EPHA5: variants seen among roughly 807,000 people sequenced by gnomAD.
The protein encoded by EPHA5 is EPH receptor A5, also known as ephrin type-A receptor 5.
EPHA5 carries 60 observed loss-of-function variants against 105.0 expected under a neutral mutation model. The observed-to-expected ratio is 0.57, with a 90% CI of 0.46 to 0.71. The LOEUF (loss-of-function observed/expected upper bound fraction) is 0.71. EPHA5 is among the 30% of genes least tolerant of loss of function. EPHA5 has a pLI of 0.00. For missense variants in EPHA5, 1,218 were observed against 1,274.7 expected (o/e 0.96, Z 0.68); for synonymous variants, 513 against 449.1 (o/e 1.14, Z -1.80).
In EPHA5 at chr4:65,342,797, A is replaced by G. The variant is rs185785359; in HGVS notation, c.2595+5257T>C. Among the ~76,000 whole-genome samples, 17 of 152,094 alleles carry G rather than the reference A, an allele frequency of 1.1e-4. No homozygotes were observed. In the East Asian group the frequency reaches 3.1e-3, roughly 28 times the overall value. On this transcript the variant is annotated intron_variant, in intron 14 of 16. Coordinates refer to ENST00000613740, the MANE Select transcript of EPHA5 (RefSeq NM_001281766.3). The stretch of plus-strand genomic sequence containing the variant: ...GTATGTATATATGTATATCTGGCAC[A>G]TCAGAAATGAAACAAGGAATAGAAG...
chr4:65,654,558 T>C (rs1748894510), intron 1 of EPHA5, among the ~76,000 whole-genome samples: 1 of 151,424 alleles, frequency 6.6e-6, no homozygotes, highest in Admixed American at 6.6e-5. Flanking sequence ...GAAACTCCTT[T>C]GAATTTATAT....
rs28703188 is a variant in EPHA5, at chr4:65,666,485, A to C, written c.181+3077T>G. Among the ~76,000 whole-genome samples, 254 of 152,284 alleles carry C rather than the reference A, an allele frequency of 1.7e-3. 1 individual carries two copies. The highest frequency in any genetic ancestry group is 5.7e-3 in the African/African-American group (236 of 41,566). On this transcript the variant is annotated intron_variant, in intron 1 of 16. Coordinates refer to ENST00000613740, the MANE Select transcript of EPHA5 (RefSeq NM_001281766.3). ...GAATAAGTTCAGGGCCACCTCCAAAATTCATAGCAGTGGACATGAACCCTT... is the reference window on the plus strand; with the variant it reads ...GAATAAGTTCAGGGCCACCTCCAAACTTCATAGCAGTGGACATGAACCCTT...
intron 1 of EPHA5, among the ~76,000 whole-genome samples, chr4:65,656,937 A>T (rs984566275): frequency 1.5e-5 from 2 of 136,740 alleles, no homozygotes; most frequent in South Asian, 4.9e-4. Flanking sequence ...TTTAGAGTAA[A>T]TGAAAACGTG....
chr4:65,551,535 T>TGAATGATCA (rs1737922463), intron 3 of EPHA5, among the ~76,000 whole-genome samples: 1 of 152,074 alleles, frequency 6.6e-6, no homozygotes, highest in African/African-American at 2.4e-5. Context: ...TTGGTGGAAG[T>TGAATGATCA]CTATTTATAG....
intron 16 of EPHA5, among the ~76,000 whole-genome samples, chr4:65,328,155 A>T (rs1056811202): frequency 9.3e-5 from 14 of 151,114 alleles, no homozygotes; most frequent in African/African-American, 3.4e-4. Context: ...AATTCTAGTG[A>T]TAACGAATTA....
chr4:65,331,054 A>C, intron 16 of EPHA5: 8 of 1,043,294 alleles, frequency 7.7e-6, no homozygotes, highest in Non-Finnish European at 9.2e-6. Context: ...CTCAATGTTC[A>C]TATCATGTGT....
intron 3 of EPHA5, among the ~76,000 whole-genome samples, chr4:65,577,329 T>C (rs774444102): frequency 2.4e-4 from 36 of 152,106 alleles, no homozygotes; most frequent in Non-Finnish European, 4.6e-4. Context: ...CCTCTTTAAT[T>C]AATACTTTCA....
chr4:65,591,038 A>C (rs1742591959), intron 3 of EPHA5, among the ~76,000 whole-genome samples: 2 of 152,088 alleles, frequency 1.3e-5, no homozygotes, highest in South Asian at 4.1e-4. Context: ...CCCCTACTCC[A>C]GATCTCATTT....
At chr4:65,367,469 A>C in intron 8 of EPHA5, 45 bp from the exon 9 acceptor site, 2 of 1,554,124 alleles carry the variant, frequency 1.3e-6, no homozygotes, top group Non-Finnish European at 1.8e-6. Context: ...AAAGTGGTGA[A>C]TCAGTCACAT....
intron 5 of EPHA5, among the ~76,000 whole-genome samples, chr4:65,446,065 G>A (rs974850409): frequency 3.9e-5 from 6 of 152,018 alleles, no homozygotes; most frequent in Non-Finnish European, 5.9e-5. Context: ...CTGTCAAAGC[G>A]ATCTTTGTAA....
chr4:65,405,759 G>A (rs1355049390), intron 7 of EPHA5, among the ~76,000 whole-genome samples: 1 of 152,002 alleles, frequency 6.6e-6, no homozygotes, highest in Non-Finnish European at 1.5e-5. Context: ...TAAGGTCTAT[G>A]GTAAGAAATT....
rs180817985 is a variant in EPHA5, at chr4:65,322,620, T to C, written c.*1494A>G. ...GTATCACAAATATAAGTCTTCATCA[T>C]GTGTGGTATATAGAGCATACATAGA... On this transcript the variant is annotated 3_prime_UTR_variant, in exon 17 of 17. Transcript: ENST00000613740. The C allele has an allele frequency of 7.6e-5, 17 of 225,074 alleles. No homozygotes were observed. Among genetic ancestry groups the C allele is most frequent in the Non-Finnish European group, 6.2e-5 (7 of 112,836 alleles). 13.9% of individuals were successfully genotyped at this position (225,074 alleles called of 1,614,324 possible).
chr4:65,410,055 T>C (rs987546926), intron 7 of EPHA5, among the ~76,000 whole-genome samples: 1 of 152,188 alleles, frequency 6.6e-6, no homozygotes, highest in Non-Finnish European at 1.5e-5. Flanking sequence ...GTTGTACTTT[T>C]GGAAATTCAT....
chr4:65,524,901 G>T (rs1223166182), intron 3 of EPHA5, among the ~76,000 whole-genome samples: 1 of 151,618 alleles, frequency 6.6e-6, no homozygotes, highest in Non-Finnish European at 1.5e-5. Flanking sequence ...CCTGAGTTTT[G>T]TGTTTACAAG....
intron 1 of EPHA5, among the ~76,000 whole-genome samples, chr4:65,648,371 A>G (rs1748310063): frequency 6.6e-6 from 1 of 152,212 alleles, no homozygotes; most frequent in African/African-American, 2.4e-5. Context: ...CAGGAAATAG[A>G]CACATTGGAA....
intron 1 of EPHA5, among the ~76,000 whole-genome samples, chr4:65,658,404 TA>T (rs1009958624): frequency 1.3e-5 from 2 of 151,934 alleles, no homozygotes; most frequent in African/African-American, 4.8e-5. Context: ...AACCTGGGAG[TA>T]AATAAGGGCT....
chr4:65,498,880 C>T (rs983315351), intron 3 of EPHA5, among the ~76,000 whole-genome samples: 1 of 151,678 alleles, frequency 6.6e-6, no homozygotes, highest in Non-Finnish European at 1.5e-5. Flanking sequence ...AATTATTCAT[C>T]ACCTTCAAAT....
intron 5 of EPHA5, among the ~76,000 whole-genome samples, chr4:65,437,236 A>G (rs371601623): frequency 6.6e-6 from 1 of 152,132 alleles, no homozygotes; most frequent in Non-Finnish European, 1.5e-5. Flanking sequence ...CAATATTGCA[A>G]AGAAGGCAGA....
At chr4:65,463,610 A>G (rs1488187728) in intron 5 of EPHA5, among the ~76,000 whole-genome samples, 1 of 152,132 alleles carries the variant, frequency 6.6e-6, no homozygotes, top group Non-Finnish European at 1.5e-5. Context: ...CGCACCTTGC[A>G]GTAATTGTGT....
Sources: gnomAD v4.1 joint callset for allele counts (sites outside exome capture counted in the v4.1 genomes callset) on GRCh38, gnomAD v4.1.1 for gene constraint, MANE v1.5 for transcripts, NCBI Gene and HGNC (gene_info 2026-07-23, HGNC 2026-07-21) for gene names.